EIF3A: variants seen among roughly 807,000 people sequenced by gnomAD.
EIF3A encodes EIF3, p180 subunit.
A neutral mutation model predicts 186.6 loss-of-function variants in EIF3A; 21 were observed. The observed-to-expected ratio is 0.11, with a 90% CI of 0.08 to 0.16. The LOEUF is 0.16. Ranked by LOEUF, EIF3A falls within the 10% of genes least tolerant of loss-of-function variation. The pLI is 1.00. For missense variants in EIF3A, 1,306 were observed against 1,796.3 expected (o/e 0.73, Z 4.93); for synonymous variants, 563 against 584.3 (o/e 0.96, Z 0.52).
intron 1 of EIF3A, among the ~76,000 whole-genome samples, chr10:119,078,945 C>T (rs1564763741): frequency 2.6e-5 from 4 of 151,698 alleles, no homozygotes. Context: ...CCTACTAGCA[C>T]GGGGAAAAAA....
intron 5 of EIF3A, among the ~76,000 whole-genome samples, chr10:119,070,018 AT>A (rs1007317553): frequency 2.6e-5 from 4 of 152,062 alleles, no homozygotes; most frequent in Non-Finnish European, 5.9e-5. Context: ...TAACTTATGG[AT>A]TTTTTTCTAT....
At chr10:119,068,960 ACT>A (rs994159460) in intron 6 of EIF3A, among the ~76,000 whole-genome samples, 12 of 120,040 alleles carry the variant, frequency 1.0e-4, no homozygotes, top group African/African-American at 3.8e-4. Context: ...GCAACAAAAG[ACT>A]CTGTCTTGCA....
At chr10:119,036,938 A>C (rs961860425) in intron 21 of EIF3A, among the ~76,000 whole-genome samples, 181 bp downstream of exon 21, 1 of 152,096 alleles carries the variant, frequency 6.6e-6, no homozygotes, top group Non-Finnish European at 1.5e-5. Context: ...GAATTTAGAG[A>C]TAAGTGCACT....
chr10:119,045,702 G>A (rs1025323106), intron 17 of EIF3A, among the ~76,000 whole-genome samples: 46 of 152,256 alleles, frequency 3.0e-4, no homozygotes, highest in African/African-American at 6.0e-4. Context: ...TTCCCAAGTA[G>A]CTGGGCATGC....
rs765521814 is a variant in EIF3A at position 119,072,975 on chromosome 10, G to A, written c.456C>T (p.Phe152=). 19 of 1,613,982 alleles carry A rather than the reference G, an allele frequency of 1.2e-5. No homozygotes were observed. The highest frequency in any genetic ancestry group is 8.8e-5 in the South Asian group (8 of 91,074). The change falls in exon 4 of 22, where the codon TTC becomes TTT. Residue 152 remains phenylalanine (F), a synonymous_variant. Coordinates refer to ENST00000369144, the MANE Select transcript of EIF3A (RefSeq NM_003750.4). ...AACACTGCCTGTAAGACTCCCACAG[G>A]AATTTAACCCATGGAGTTAAAAGTA... The part of the protein sequence containing the change: ...DRLLLTPWVK[F]LWESYRQCLD...
chr10:119,071,481 T>A lies in EIF3A; in HGVS notation c.542-396A>T, dbSNP rs192102935. Among the ~76,000 whole-genome samples, 23 of 152,282 alleles carry A rather than the reference T, an allele frequency of 1.5e-4. 1 individual carries two copies. The East Asian group carries it at 4.4e-3, about 29-fold the overall frequency. On this transcript the variant is annotated intron_variant, in intron 4 of 21. Coordinates refer to ENST00000369144, the MANE Select transcript of EIF3A (RefSeq NM_003750.4). Reference sequence around the variant, plus strand: ...AACAAGGTTCTGTACTAATTAAAACTACATAATACAAATTGAGGGCTTATA... The same window carrying A: ...AACAAGGTTCTGTACTAATTAAAACAACATAATACAAATTGAGGGCTTATA...
Position 119,038,399 on chromosome 10 carries a change from C to G in EIF3A, c.3567G>C (p.Trp1189Cys), listed in dbSNP as rs1848164827. The G allele has an allele frequency of 6.2e-7, 1 of 1,614,110 alleles. No homozygotes were observed. The highest frequency in any genetic ancestry group is 8.5e-7 in the Non-Finnish European group (1 of 1,180,024). The change falls in exon 20 of 22, where the codon TGG (tryptophan) becomes TGC (cysteine). Residue 1189 changes from tryptophan (W) to cysteine (C), a missense_variant. Around this residue, in one of 8 missense-constraint regions of EIF3A, gnomAD observed 331 missense variants for 365.8 expected, o/e 0.90. Coordinates refer to ENST00000369144, the MANE Select transcript of EIF3A (RefSeq NM_003750.4). ...REKEKAREES[W>C]GPPRESRPSE... ...ATGGCCTTGATTCTCGAGGTGGACC[C>G]CAGCTCTCCTCTCTGGCTTTTTCTT...
intron 1 of EIF3A, among the ~76,000 whole-genome samples, chr10:119,074,618 CT>C (rs530924151): frequency 2.9e-4 from 42 of 145,478 alleles, no homozygotes; most frequent in Middle Eastern, 3.5e-3. Flanking sequence ...CTAAAAAATT[CT>C]TTTTTTTTTT....
chr10:119,059,954 C>T lies in EIF3A; in HGVS notation c.1327-236G>A, dbSNP rs1589691492. ...TTTTCAAATCCTAGTTGTTGTAAAACAAAAAAGCCTAAAAACCTGCTACTT... is the reference window on the plus strand; with the variant it reads ...TTTTCAAATCCTAGTTGTTGTAAAATAAAAAAGCCTAAAAACCTGCTACTT... On this transcript the variant is annotated intron_variant, in intron 9 of 21. Transcript: ENST00000369144. 5 of 567,332 alleles carry T rather than the reference C, an allele frequency of 8.8e-6. No homozygotes were observed. The East Asian group carries it at 1.1e-4, about 12-fold the overall frequency. The allele number at this position is 567,332 out of a possible 1,614,324, so 35.1% of individuals were successfully genotyped here. A position where few individuals can be genotyped will look rare whatever the true frequency, so the allele number is the denominator to read the frequency against.
At chr10:119,067,633 G>C (rs768632027) in intron 6 of EIF3A, among the ~76,000 whole-genome samples, 1 of 152,096 alleles carries the variant, frequency 6.6e-6, no homozygotes, top group Non-Finnish European at 1.5e-5. Flanking sequence ...AAGACATAGA[G>C]AACAAAGAAG....
At chr10:119,053,799 T>G (rs1848390214) in intron 14 of EIF3A, among the ~76,000 whole-genome samples, 1 of 152,220 alleles carries the variant, frequency 6.6e-6, no homozygotes, top group Non-Finnish European at 1.5e-5. Context: ...AATAACTTGC[T>G]GTAGCTCCTC....
intron 19 of EIF3A, among the ~76,000 whole-genome samples, chr10:119,040,101 T>C (rs1213679563): frequency 2.0e-5 from 3 of 152,136 alleles, no homozygotes; most frequent in Non-Finnish European, 4.4e-5. Context: ...AGAGACGAAG[T>C]AGGCAACAGA....
rs1175705463 is a variant in EIF3A at position 119,036,350 on chromosome 10, G to GATTGTTAAATACAGAAATC, written c.3920-101_3920-83dup. 4.2e-4 allele frequency: 358 copies of GATTGTTAAATACAGAAATC among 843,960 alleles called. 2 individuals are homozygous for GATTGTTAAATACAGAAATC. In the East Asian group the frequency reaches 8.9e-3, roughly 21 times the overall value. 52.3% of individuals were successfully genotyped at this position (843,960 alleles called of 1,614,324 possible). A position where few individuals can be genotyped will look rare whatever the true frequency, so the allele number is the denominator to read the frequency against. On this transcript the variant is annotated intron_variant, in intron 21 of 21. Transcript: ENST00000369144. Reference sequence around the variant, plus strand: ...AATTACTCAAAATTCCTGTACTAAAGATTGTTAAATACAGAAATCATTGTT... The same window carrying GATTGTTAAATACAGAAATC: ...AATTACTCAAAATTCCTGTACTAAAGATTGTTAAATACAGAAATCATTGTTAAATACAGAAATCATTGTT...
chr10:119,053,300 T>C (rs983099311), intron 14 of EIF3A, among the ~76,000 whole-genome samples: 15 of 152,108 alleles, frequency 9.9e-5, no homozygotes, highest in African/African-American at 3.1e-4. Context: ...AGCAGCTGCA[T>C]TAACCCCTAA....
rs1843876192 is a variant in EIF3A, at chr10:119,060,992, A to G, written c.1228-148T>C. On this transcript the variant is annotated intron_variant, in intron 8 of 21. Coordinates refer to ENST00000369144, the MANE Select transcript of EIF3A (RefSeq NM_003750.4). ...TCATGAAGCTACTGATACTTGTTTG[A>G]AGGTGACTGGCAGCAATGGCTAAAT... 3 of 634,534 alleles carry G rather than the reference A, an allele frequency of 4.7e-6. No individual in the cohort carries two copies. In the South Asian group the frequency reaches 6.7e-5, roughly 14 times the overall value. The allele number at this position is 634,534 out of a possible 1,614,324, so 39.3% of individuals were successfully genotyped here.
At chr10:119,075,711 C>CTTTTTTTTTTTTTT (rs58392465) in intron 1 of EIF3A, among the ~76,000 whole-genome samples, 2 of 65,274 alleles carry the variant, frequency 3.1e-5, no homozygotes, top group Non-Finnish European at 5.2e-5. Flanking sequence ...TGGAAAAAGA[C>CTTTTTTTTTTTTTT]TTTTTTTTTT....
chr10:119,049,115 TC>T (rs1267549461), intron 17 of EIF3A, among the ~76,000 whole-genome samples: 1 of 151,950 alleles, frequency 6.6e-6, no homozygotes, highest in East Asian at 1.9e-4. Flanking sequence ...GTATAATTCT[TC>T]CCCCCTTAGG....
At position 119,042,167 on chromosome 10, in the gene EIF3A, C is replaced by T; in HGVS notation, c.3353G>A (p.Gly1118Glu). The change falls in exon 19 of 22, where the codon GGA (glycine) becomes GAA (glutamate). Residue 1118 changes from glycine to glutamate, a missense_variant. Gly to Glu is a moderately conservative substitution (Grantham distance 98). Coordinates refer to ENST00000369144, the MANE Select transcript of EIF3A (RefSeq NM_003750.4). The surrounding 1 kb of genome is among the most constrained non-coding windows in gnomAD (Gnocchi z 7.8). ...GPRRGLDDDR[G>E]PWRNADDDRI... ...GTCATCATCGGCGTTCCTCCAAGGTCCTCGATCATCATCCAACCCTCGCCT... is the reference window on the plus strand; with the variant it reads ...GTCATCATCGGCGTTCCTCCAAGGTTCTCGATCATCATCCAACCCTCGCCT... 1 of 1,614,086 alleles carries T rather than the reference C, an allele frequency of 6.2e-7. No homozygotes were observed. The highest frequency in any genetic ancestry group is 1.1e-5 in the South Asian group (1 of 91,082).
At chr10:119,059,474 C>T (rs373653043) in intron 10 of EIF3A, 77 bp from the exon 11 acceptor site, 18 of 1,312,536 alleles carry the variant, frequency 1.4e-5, no homozygotes, top group Non-Finnish European at 1.1e-6. Context: ...ATGTCATATA[C>T]AAAAGCTGGA....
Sources: allele counts gnomAD v4.1 joint callset (sites outside exome capture counted in the v4.1 genomes callset), GRCh38; gene constraint gnomAD v4.1.1; regional missense constraint gnomAD v4.1.1; non-coding constraint Gnocchi (gnomAD v3.1); transcripts MANE v1.5; gene names NCBI Gene and HGNC (gene_info 2026-07-23, HGNC 2026-07-21).